The following SLC24A3 variants were observed in gnomAD, a reference collection of about 807,000 sequenced individuals.
SLC24A3 encodes the protein solute carrier family 24 member 3.
In SLC24A3, 28 loss-of-function variants were observed where a neutral mutation model predicts 75.8. The observed-to-expected ratio is 0.37, with a 90% CI of 0.27 to 0.51. SLC24A3 has a LOEUF of 0.51. Among genes scored for constraint, SLC24A3 ranks in the 20% least tolerant of loss-of-function variants. SLC24A3 has a pLI of 0.94. For missense variants in SLC24A3, 663 were observed against 847.8 expected (o/e 0.78, Z 2.71); for synonymous variants, 372 against 334.1 (o/e 1.11, Z -1.24).
chr20:19,719,203 A>G (rs1462358541), intron 16 of SLC24A3, among the ~76,000 whole-genome samples: 4 of 152,116 alleles, frequency 2.6e-5, no homozygotes, highest in Admixed American at 6.5e-5. Flanking sequence ...CAAGTGGAAT[A>G]AGTTAATAGA....
At chr20:19,523,786 G>A (rs1340195559) in intron 3 of SLC24A3, among the ~76,000 whole-genome samples, 1 of 152,174 alleles carries the variant, frequency 6.6e-6, no homozygotes, top group Non-Finnish European at 1.5e-5. Flanking sequence ...ATGAAAGCAG[G>A]TGGATGAAGC....
chr20:19,639,352 T>C (rs1385168859), intron 6 of SLC24A3, among the ~76,000 whole-genome samples: 3 of 151,998 alleles, frequency 2.0e-5, no homozygotes, highest in Admixed American at 6.6e-5. Context: ...ATCCCTGAGC[T>C]AGACATAAAG....
intron 2 of SLC24A3, among the ~76,000 whole-genome samples, chr20:19,349,875 C>G (rs1428342493): frequency 1.3e-5 from 2 of 152,170 alleles, no homozygotes; most frequent in Non-Finnish European, 2.9e-5. Flanking sequence ...TTGATTTGCT[C>G]TGGTTGGTGT....
intron 3 of SLC24A3, among the ~76,000 whole-genome samples, chr20:19,570,513 A>C (rs988603781): frequency 2.6e-5 from 4 of 152,132 alleles, no homozygotes; most frequent in African/African-American, 9.7e-5. Flanking sequence ...CAGATTGCTA[A>C]ATAGATCTTC....
chr20:19,363,762 A>T (rs1486615649), intron 2 of SLC24A3, among the ~76,000 whole-genome samples: 1 of 152,232 alleles, frequency 6.6e-6, no homozygotes, highest in Non-Finnish European at 1.5e-5. Flanking sequence ...TGGATGTTTT[A>T]AAAAAGCAAA....
chr20:19,450,608 TAG>T (rs1253047365), intron 2 of SLC24A3, among the ~76,000 whole-genome samples: 1 of 152,212 alleles, frequency 6.6e-6, no homozygotes, highest in Non-Finnish European at 1.5e-5. Flanking sequence ...CACCAGCTCA[TAG>T]AGTGTTTTTG....
At chr20:19,313,856 C>G (rs1318695451) in intron 2 of SLC24A3, among the ~76,000 whole-genome samples, 1 of 152,178 alleles carries the variant, frequency 6.6e-6, no homozygotes, top group Non-Finnish European at 1.5e-5. Context: ...CAAGTTTAAT[C>G]CCTCTGGGGC....
At chr20:19,474,498 T>C (rs1015226986) in intron 2 of SLC24A3, among the ~76,000 whole-genome samples, 1 of 152,220 alleles carries the variant, frequency 6.6e-6, no homozygotes, top group Admixed American at 6.5e-5. Context: ...ATCCTGGTGA[T>C]ACCAAGACTG....
chr20:19,307,562 T>G (rs1984361485), intron 2 of SLC24A3, among the ~76,000 whole-genome samples: 1 of 151,780 alleles, frequency 6.6e-6, no homozygotes, highest in African/African-American at 2.4e-5. Flanking sequence ...TGAGAACACA[T>G]GGACACAGGG....
intron 1 of SLC24A3, among the ~76,000 whole-genome samples, chr20:19,222,833 C>CTTCCTTCCTTCT: frequency 7.1e-6 from 1 of 140,012 alleles, no homozygotes; most frequent in East Asian, 2.3e-4. Context: ...TCCTTCCTTC[C>CTTCCTTCCTTCT]TTCTTTCCTT....
At chr20:19,621,978 C>T (rs1049849438) in intron 6 of SLC24A3, among the ~76,000 whole-genome samples, 4 of 152,186 alleles carry the variant, frequency 2.6e-5, no homozygotes, top group Non-Finnish European at 4.4e-5. Flanking sequence ...ATGGATTGAG[C>T]TCCTCCCCTG....
At chr20:19,564,279 T>A (rs1392152396) in intron 3 of SLC24A3, among the ~76,000 whole-genome samples, 1 of 152,204 alleles carries the variant, frequency 6.6e-6, no homozygotes, top group Non-Finnish European at 1.5e-5. Context: ...GAGCTTCCTC[T>A]CATGTTGCTG....
chr20:19,587,559 CAT>C (rs1409624494), intron 6 of SLC24A3, among the ~76,000 whole-genome samples: 2 of 152,214 alleles, frequency 1.3e-5, no homozygotes, highest in Non-Finnish European at 2.9e-5. Flanking sequence ...ACTTTCCTGT[CAT>C]GTGCCAAACT....
intron 3 of SLC24A3, among the ~76,000 whole-genome samples, chr20:19,546,725 C>T (rs932485424): frequency 6.6e-6 from 1 of 152,208 alleles, no homozygotes; most frequent in Non-Finnish European, 1.5e-5. Context: ...GCCATCTGCT[C>T]ATGGGAGTAA....
chr20:19,687,974 C>T (rs2032697882), intron 12 of SLC24A3, among the ~76,000 whole-genome samples: 1 of 152,124 alleles, frequency 6.6e-6, no homozygotes, highest in Non-Finnish European at 1.5e-5. Context: ...GCTCAGGAAC[C>T]CCACATCCCC....
At chr20:19,227,663 A>G (rs910836720) in intron 1 of SLC24A3, among the ~76,000 whole-genome samples, 1 of 152,236 alleles carries the variant, frequency 6.6e-6, no homozygotes, top group South Asian at 2.1e-4. Context: ...CTACCTCCAC[A>G]TTTGTGGTAT....
chr20:19,244,166 T>C (rs1434658623), intron 1 of SLC24A3: 1 of 152,200 alleles, frequency 6.6e-6, no homozygotes, highest in Non-Finnish European at 1.5e-5. Flanking sequence ...TATCCCTTCA[T>C]CAAGGGGTCA....
intron 1 of SLC24A3, among the ~76,000 whole-genome samples, chr20:19,273,972 A>G (rs986342329): frequency 1.3e-5 from 2 of 149,962 alleles, no homozygotes; most frequent in African/African-American, 4.9e-5. Flanking sequence ...CTTTAATCCA[A>G]AGGCGAAGAG....
chr20:19,671,029 A>C (rs547765722), intron 8 of SLC24A3, among the ~76,000 whole-genome samples: 22 of 152,348 alleles, frequency 1.4e-4, no homozygotes, highest in African/African-American at 4.6e-4. Context: ...ATGAGTAATA[A>C]ATATATAAAC....
Sources: allele counts gnomAD v4.1 joint callset (sites outside exome capture counted in the v4.1 genomes callset), GRCh38; gene constraint gnomAD v4.1.1; transcripts MANE v1.5; gene names NCBI Gene and HGNC (gene_info 2026-07-23, HGNC 2026-07-21).